ZNF804B: variants seen among roughly 807,000 people sequenced by gnomAD.
ZNF804B encodes zinc finger protein 804B.
In ZNF804B, 80 loss-of-function variants were observed where a neutral mutation model predicts 101.4. That is an observed-to-expected ratio of 0.79 (90% CI 0.66 to 0.95). The LOEUF (loss-of-function observed/expected upper bound fraction) is 0.95. ZNF804B is among the 40% of genes least tolerant of loss of function. The pLI is 0.00. For missense variants in ZNF804B, 1,673 were observed against 1,561.9 expected, an observed-to-expected ratio of 1.07 and a Z score of -1.20; for synonymous variants, 622 against 558.8, an observed-to-expected ratio of 1.11 and a Z score of -1.59.
chr7:88,923,912 C>G (rs1323678852), intron 1 of ZNF804B, among the ~76,000 whole-genome samples: 2 of 152,020 alleles, frequency 1.3e-5, no homozygotes, highest in African/African-American at 4.8e-5. Context: ...TTATTTTAAG[C>G]AGCCACATAG....
chr7:89,238,884 A>G (rs1426193730), intron 2 of ZNF804B, among the ~76,000 whole-genome samples: 1 of 152,178 alleles, frequency 6.6e-6, no homozygotes, highest in Non-Finnish European at 1.5e-5. Flanking sequence ...CTGACTTTCC[A>G]GACTATTGCA....
intron 1 of ZNF804B, among the ~76,000 whole-genome samples, chr7:89,098,577 C>T (rs1583984987): frequency 1.3e-5 from 2 of 152,082 alleles, no homozygotes; most frequent in East Asian, 3.9e-4. Context: ...CGGCCCATAA[C>T]AACTTTTTTT....
intron 1 of ZNF804B, among the ~76,000 whole-genome samples, chr7:88,837,970 AAATT>A (rs1489193619): frequency 2.6e-5 from 4 of 151,774 alleles, no homozygotes; most frequent in African/African-American, 9.7e-5. Context: ...GTTTTAAATT[AAATT>A]AATAAGTATT....
chr7:88,909,574 G>T (rs1266023151), intron 1 of ZNF804B, among the ~76,000 whole-genome samples: 3 of 151,690 alleles, frequency 2.0e-5, no homozygotes, highest in African/African-American at 7.2e-5. Context: ...CTCATGTTTT[G>T]TTATTAACTC....
In ZNF804B at chr7:89,218,189, T is replaced by C. The variant is rs777917115; in HGVS notation, c.143T>C (p.Leu48Pro). ...FAEKKSTAKALEDVKANFYCE... is the reference protein window; with the variant it reads ...FAEKKSTAKAPEDVKANFYCE... The stretch of plus-strand genomic sequence containing the variant: ...GAAAAGAAGTCCACAGCAAAGGCCC[T>C]GGAAGATGTAAAGGCAAACTTTTAC... Residue 48 changes from leucine (L) to proline (P), a missense_variant, in exon 2 of 4, where the codon CTG (leucine) becomes CCG (proline). Leu to Pro is a moderately conservative substitution (Grantham distance 98). Coordinates refer to ENST00000333190, the MANE Select transcript of ZNF804B (RefSeq NM_181646.5). The C allele has an allele frequency of 4.3e-6, 7 of 1,613,826 alleles. No homozygotes were observed. The East Asian group carries it at 1.3e-4, about 31-fold the overall frequency.
chr7:88,868,002 T>C (rs1041383603), intron 1 of ZNF804B, among the ~76,000 whole-genome samples: 1 of 152,012 alleles, frequency 6.6e-6, no homozygotes, highest in Non-Finnish European at 1.5e-5. Flanking sequence ...ATTATATATA[T>C]GTATATAAAT....
chr7:89,306,427 C>T (rs752134967), intron 2 of ZNF804B, among the ~76,000 whole-genome samples: 1 of 151,968 alleles, frequency 6.6e-6, no homozygotes, highest in Non-Finnish European at 1.5e-5. Flanking sequence ...ATTATTTTTG[C>T]TTTGACACAT....
At chr7:89,283,029 C>G (rs958637081) in intron 2 of ZNF804B, among the ~76,000 whole-genome samples, 1 of 152,074 alleles carries the variant, frequency 6.6e-6, no homozygotes, top group African/African-American at 2.4e-5. Context: ...ATAAGAGATA[C>G]AGCTAAGAAA....
intron 1 of ZNF804B, among the ~76,000 whole-genome samples, chr7:89,165,630 C>A (rs185997347): frequency 6.6e-6 from 1 of 151,930 alleles, no homozygotes; most frequent in African/African-American, 2.4e-5. Context: ...ACACACTGTA[C>A]GTAAAATTAA....
chr7:89,106,546 C>T lies in ZNF804B; in HGVS notation c.109-111609C>T, dbSNP rs144174543. Among the ~76,000 whole-genome samples the T allele has an allele frequency of 2.5e-3, 381 of 152,168 alleles. 1 individual carries two copies. The highest frequency in any genetic ancestry group is 4.0e-3 in the Non-Finnish European group (270 of 67,994). On this transcript the variant is annotated intron_variant, in intron 1 of 3. Coordinates refer to ENST00000333190, the MANE Select transcript of ZNF804B (RefSeq NM_181646.5). ...AATGGATCCATATTGATCTATTACA[C>T]TTCTGAATGAAGAATTGATAATACT...
chr7:89,298,216 G>GTATATATA (rs1171165341), intron 2 of ZNF804B, among the ~76,000 whole-genome samples: 351 of 27,496 alleles, frequency 0.013, 19 homozygotes, highest in South Asian at 0.014. Context: ...GTGTGTGTGT[G>GTATATATA]TATATATATA....
At chr7:88,901,899 G>A (rs1198354891) in intron 1 of ZNF804B, among the ~76,000 whole-genome samples, 1 of 151,794 alleles carries the variant, frequency 6.6e-6, no homozygotes, top group African/African-American at 2.4e-5. Flanking sequence ...GGCTTGGTAT[G>A]ATACTAAAAC....
intron 1 of ZNF804B, among the ~76,000 whole-genome samples, chr7:88,899,580 C>T (rs557139464): frequency 6.6e-6 from 1 of 152,136 alleles, no homozygotes; most frequent in Non-Finnish European, 1.5e-5. Flanking sequence ...CTTTTTTTGT[C>T]TACCCACTAC....
intron 2 of ZNF804B, among the ~76,000 whole-genome samples, chr7:89,285,049 T>G (rs1420763372): frequency 6.6e-6 from 1 of 151,402 alleles, no homozygotes; most frequent in Non-Finnish European, 1.5e-5. Context: ...ATAAAAAAAT[T>G]TAAATTTAAA....
chr7:89,107,674 C>T (rs1001198579), intron 1 of ZNF804B, among the ~76,000 whole-genome samples: 5 of 152,068 alleles, frequency 3.3e-5, no homozygotes, highest in African/African-American at 4.8e-5. Context: ...GCATTCTTTT[C>T]CTTTACCCGA....
intron 1 of ZNF804B, among the ~76,000 whole-genome samples, chr7:88,949,528 G>T (rs901751412): frequency 2.6e-5 from 4 of 151,820 alleles, no homozygotes; most frequent in Non-Finnish European, 5.9e-5. Flanking sequence ...CTTGTATGTG[G>T]CATATCTTCC....
chr7:89,029,695 A>G (rs1223020257), intron 1 of ZNF804B, among the ~76,000 whole-genome samples: 1 of 152,198 alleles, frequency 6.6e-6, no homozygotes, highest in Non-Finnish European at 1.5e-5. Context: ...TATGGTCATC[A>G]GATTGACCTT....
chr7:89,199,825 A>G (rs1788604279), intron 1 of ZNF804B, among the ~76,000 whole-genome samples: 1 of 150,078 alleles, frequency 6.7e-6, no homozygotes, highest in Non-Finnish European at 1.5e-5. Flanking sequence ...ACATATAAAC[A>G]TCCATATATG....
chr7:89,185,579 G>A (rs1788364005), intron 1 of ZNF804B, among the ~76,000 whole-genome samples: 1 of 152,150 alleles, frequency 6.6e-6, no homozygotes, highest in African/African-American at 2.4e-5. Context: ...GACAGGATCT[G>A]GTCGGGCGCG....
Sources: allele counts gnomAD v4.1 joint callset (sites outside exome capture counted in the v4.1 genomes callset), GRCh38; gene constraint gnomAD v4.1.1; transcripts MANE v1.5; gene names NCBI Gene and HGNC (gene_info 2026-07-23, HGNC 2026-07-21).